Variants in NCKAP5 observed in about 807,000 individuals in gnomAD.
The protein encoded by NCKAP5 is NCK associated protein 5.
A neutral mutation model predicts 167.0 loss-of-function variants in NCKAP5; 92 were observed. That is an observed-to-expected ratio of 0.55 (90% CI 0.47 to 0.66). NCKAP5 has a LOEUF of 0.66. Among genes scored for constraint, NCKAP5 ranks in the 30% least tolerant of loss-of-function variants. The probability of loss-of-function intolerance (pLI) is 0.00; values close to 1 mark genes in which losing one functional copy is unlikely to be tolerated. For missense variants in NCKAP5, 2,378 were observed against 2,315.0 expected (o/e 1.03, Z -0.56); for synonymous variants, 891 against 877.4 (o/e 1.02, Z -0.27).
At chr2:133,080,618 T>G (rs954657809) in intron 6 of NCKAP5, among the ~76,000 whole-genome samples, 3 of 152,122 alleles carry the variant, frequency 2.0e-5, no homozygotes, top group Non-Finnish European at 4.4e-5. Context: ...CAAATAACAT[T>G]TGTCAACTTC....
intron 3 of NCKAP5, among the ~76,000 whole-genome samples, chr2:133,404,899 G>C (rs9287426): frequency 6.6e-6 from 1 of 151,866 alleles, no homozygotes; most frequent in African/African-American, 2.4e-5. Flanking sequence ...ATCAGTTCTC[G>C]ACCAGCATTA....
chr2:132,925,548 C>T (rs1372702238), intron 8 of NCKAP5, among the ~76,000 whole-genome samples: 11 of 133,614 alleles, frequency 8.2e-5, no homozygotes, highest in South Asian at 4.6e-4. Flanking sequence ...GGTGATAGAG[C>T]GAGACTCCGT....
intron 5 of NCKAP5, among the ~76,000 whole-genome samples, chr2:133,188,906 C>T (rs1346920610): frequency 6.6e-6 from 1 of 152,064 alleles, no homozygotes; most frequent in Non-Finnish European, 1.5e-5. Flanking sequence ...CATTCAAAAG[C>T]TAGCAGACGG....
chr2:133,547,022 C>T (rs1207353263), intron 2 of NCKAP5, among the ~76,000 whole-genome samples: 1 of 152,148 alleles, frequency 6.6e-6, no homozygotes, highest in African/African-American at 2.4e-5. Flanking sequence ...TGGGTGCGCG[C>T]ACCGTGCGCG....
chr2:133,087,190 A>T (rs1430797019), intron 6 of NCKAP5, among the ~76,000 whole-genome samples: 1 of 152,188 alleles, frequency 6.6e-6, no homozygotes, highest in Non-Finnish European at 1.5e-5. Flanking sequence ...GGTTGCTGAA[A>T]CTTTCTCACC....
chr2:132,712,998 G>C (rs1007146839), intron 19 of NCKAP5, among the ~76,000 whole-genome samples: 1 of 152,174 alleles, frequency 6.6e-6, no homozygotes, highest in African/African-American at 2.4e-5. Context: ...AAGAACAAGG[G>C]AGACAGTGCA....
At chr2:133,464,763 C>T (rs1030362890) in intron 3 of NCKAP5, among the ~76,000 whole-genome samples, 1 of 152,140 alleles carries the variant, frequency 6.6e-6, no homozygotes, top group African/African-American at 2.4e-5. Flanking sequence ...GGGAAGAAGG[C>T]AGTGAGGAGT....
intron 8 of NCKAP5, among the ~76,000 whole-genome samples, chr2:132,879,645 G>A (rs1574498440): frequency 6.6e-6 from 1 of 152,302 alleles, no homozygotes; most frequent in Admixed American, 6.5e-5. Context: ...TCCACTGCAG[G>A]TTCCTGTCTG....
At chr2:132,823,652 A>C (rs1574336168) in intron 11 of NCKAP5, among the ~76,000 whole-genome samples, 1 of 152,116 alleles carries the variant, frequency 6.6e-6, no homozygotes, top group Non-Finnish European at 1.5e-5. Flanking sequence ...TGGAAAAAAA[A>C]CCCAAGGTAT....
chr2:132,855,123 C>T (rs1014998053), intron 11 of NCKAP5, among the ~76,000 whole-genome samples: 3 of 152,150 alleles, frequency 2.0e-5, no homozygotes, highest in African/African-American at 7.2e-5. Context: ...TACATCTCAT[C>T]ATCGAAAGCC....
intron 3 of NCKAP5, among the ~76,000 whole-genome samples, chr2:133,477,030 T>C (rs1041931349): frequency 1.3e-5 from 2 of 152,208 alleles, no homozygotes; most frequent in Admixed American, 1.3e-4. Context: ...TTCTCACACA[T>C]CCGCTTTTGT....
chr2:133,003,096 C>T (rs548385392), intron 6 of NCKAP5, among the ~76,000 whole-genome samples: 1 of 152,172 alleles, frequency 6.6e-6, no homozygotes, highest in Non-Finnish European at 1.5e-5. Flanking sequence ...TAGAACATTA[C>T]CTTAATGAGG....
At chr2:133,237,070 T>C (rs1303666466) in intron 4 of NCKAP5, among the ~76,000 whole-genome samples, 3 of 152,074 alleles carry the variant, frequency 2.0e-5, no homozygotes, top group African/African-American at 7.2e-5. Context: ...GCGAAATCTC[T>C]GTATCAAATT....
chr2:132,687,472 A>G (rs528634424), intron 19 of NCKAP5, among the ~76,000 whole-genome samples: 42 of 152,230 alleles, frequency 2.8e-4, no homozygotes, highest in Middle Eastern at 6.8e-3. Context: ...TCTTTGCTAG[A>G]TTTAGTGTGT....
intron 3 of NCKAP5, among the ~76,000 whole-genome samples, chr2:133,496,964 G>A (rs1046373007): frequency 1.3e-5 from 2 of 152,174 alleles, no homozygotes; most frequent in African/African-American, 4.8e-5. Flanking sequence ...CTCTAACAAA[G>A]CAACACAGAT....
chr2:133,554,306 A>G (rs1259966572), intron 2 of NCKAP5: 1 of 152,202 alleles, frequency 6.6e-6, no homozygotes, highest in Non-Finnish European at 1.5e-5. Context: ...GTTATCTGTT[A>G]TATTCTCAGG....
Position 132,673,056 on chromosome 2 carries a change from A to G in NCKAP5, c.*233T>C, listed in dbSNP as rs1683940730. On this transcript the variant is annotated 3_prime_UTR_variant, in exon 20 of 20. Transcript: ENST00000409261. ...TCATTTGAACCTTGACTGGCACAGGAAGAGAAGCTATCATATAAAGAATCA... is the reference window on the plus strand; with the variant it reads ...TCATTTGAACCTTGACTGGCACAGGGAGAGAAGCTATCATATAAAGAATCA... 1 of 1,104,694 alleles carries G rather than the reference A, an allele frequency of 9.1e-7. No homozygotes were observed. The highest frequency in any genetic ancestry group is 1.7e-5 in the African/African-American group (1 of 59,974). 68.4% of individuals were successfully genotyped at this position (1,104,694 alleles called of 1,614,324 possible). A position where few individuals can be genotyped will look rare whatever the true frequency, so the allele number is the denominator to read the frequency against.
At chr2:132,691,657 C>T (rs1686745475) in intron 19 of NCKAP5, among the ~76,000 whole-genome samples, 2 of 152,202 alleles carry the variant, frequency 1.3e-5, no homozygotes, top group Admixed American at 1.3e-4. Flanking sequence ...ATCCAAAGGG[C>T]ATCAGCCTAA....
chr2:133,030,260 G>A (rs961879638), intron 6 of NCKAP5, among the ~76,000 whole-genome samples: 2 of 152,182 alleles, frequency 1.3e-5, no homozygotes, highest in African/African-American at 2.4e-5. Context: ...GAAGTATTCT[G>A]GGGAGGCACC....
Sources: gnomAD v4.1 joint callset for allele counts (sites outside exome capture counted in the v4.1 genomes callset) on GRCh38, gnomAD v4.1.1 for gene constraint, MANE v1.5 for transcripts, NCBI Gene and HGNC (gene_info 2026-07-23, HGNC 2026-07-21) for gene names.